The following SASH1 variants were observed in gnomAD, a reference collection of about 807,000 sequenced individuals.
The protein encoded by SASH1 is SAM and SH3 domain-containing protein 1.
In SASH1, 44 loss-of-function variants were observed where a neutral mutation model predicts 125.2. The observed-to-expected ratio is 0.35, with a 90% CI of 0.28 to 0.45. The LOEUF (loss-of-function observed/expected upper bound fraction) is 0.45, where lower values mean the gene tolerates loss of function less well. Ranked by LOEUF, SASH1 falls within the 20% of genes least tolerant of loss-of-function variation. The pLI is 1.00. For synonymous variants in SASH1, 639 were observed against 649.1 expected, an observed-to-expected ratio of 0.98 and a Z score of 0.24; for missense variants, 1,426 against 1,614.5, an observed-to-expected ratio of 0.88 and a Z score of 2.00.
chr6:148,532,251 G>T lies in SASH1; in HGVS notation c.1565-546G>T, dbSNP rs1476918301. ...GCCACCACACCCGGCTAATTTTGTT[G>T]TAGAGACGGGGTTTTGCCATGTAGC... is the stretch of plus-strand genomic sequence containing the variant. On this transcript the variant is annotated intron_variant, in intron 13 of 19. Transcript: ENST00000367467. This position sits in a 1 kb window ranked among gnomAD's most constrained non-coding sequence, Gnocchi z 4.7. Among the ~76,000 whole-genome samples the T allele has an allele frequency of 6.6e-6, 1 of 151,934 alleles. No individual in the cohort carries two copies. The highest frequency in any genetic ancestry group is 2.4e-5 in the African/African-American group (1 of 41,358).
chr6:148,361,369 G>T (rs535203626), intron 1 of SASH1, among the ~76,000 whole-genome samples: 1 of 152,280 alleles, frequency 6.6e-6, no homozygotes, highest in South Asian at 2.1e-4. Flanking sequence ...AGGGCAAGGC[G>T]GGTGGATCAC....
intron 1 of SASH1, among the ~76,000 whole-genome samples, chr6:148,288,014 C>A: frequency 1.3e-5 from 2 of 152,304 alleles, no homozygotes; most frequent in Middle Eastern, 6.8e-3. Flanking sequence ...GGTGGGCTTT[C>A]GTTCTCACCA....
At chr6:148,413,665 C>A (rs1297500324) in intron 2 of SASH1, among the ~76,000 whole-genome samples, 1 of 152,118 alleles carries the variant, frequency 6.6e-6, no homozygotes, top group Non-Finnish European at 1.5e-5. Flanking sequence ...TCAGGTAAAT[C>A]GAGGCCGTTG....
chr6:148,206,019 A>AC, the SASH1 span, among the ~76,000 whole-genome samples: 10 of 152,000 alleles, frequency 6.6e-5, no homozygotes, highest in African/African-American at 2.4e-4. Flanking sequence ...GCCTTCAAGA[A>AC]CCCCTTCCTC....
intron 15 of SASH1, 79 bp from the exon 16 acceptor site, chr6:148,534,672 G>T: frequency 7.3e-7 from 1 of 1,366,520 alleles, no homozygotes; most frequent in Non-Finnish European, 1.0e-6. Flanking sequence ...CAGTGTGTGG[G>T]TTGCAGGCTA....
Position 148,337,141 on chromosome 6 carries a change from C to A in SASH1, n.75-52993C>A, listed in dbSNP as rs1214106876. On this transcript the variant is annotated intron_variant and non_coding_transcript_variant, in intron 1 of 3. Coordinates refer to the SASH1 transcript ENST00000367469. Reference sequence around the variant, plus strand: ...TGGTGCAATCTCGGCTCACTGCAACCTCCGCCTCTCGGGCTAAAGTGATCC... The same window carrying A: ...TGGTGCAATCTCGGCTCACTGCAACATCCGCCTCTCGGGCTAAAGTGATCC... Among the ~76,000 whole-genome samples the A allele has an allele frequency of 2.6e-5, 4 of 152,146 alleles. No individual in the cohort carries two copies. In the East Asian group the frequency reaches 7.7e-4, roughly 29 times the overall value.
intron 2 of SASH1, among the ~76,000 whole-genome samples, chr6:148,418,982 T>C (rs971146135): frequency 6.6e-6 from 1 of 152,184 alleles, no homozygotes; most frequent in African/African-American, 2.4e-5. Flanking sequence ...CCATCTCCTG[T>C]CCATTCTGGC....
intron 19 of SASH1, among the ~76,000 whole-genome samples, chr6:148,547,874 A>C (rs1782656511): frequency 6.6e-6 from 1 of 152,176 alleles, no homozygotes; most frequent in South Asian, 2.1e-4. Flanking sequence ...GTTAACATAG[A>C]TTCAAAATAC....
At chr6:148,463,502 C>T (rs908678369) in intron 4 of SASH1, among the ~76,000 whole-genome samples, 4 of 152,124 alleles carry the variant, frequency 2.6e-5, no homozygotes, top group Non-Finnish European at 5.9e-5. Context: ...TAAAGGAGCA[C>T]TCTGCCTTCT....
intron 1 of SASH1, among the ~76,000 whole-genome samples, chr6:148,363,636 G>C (rs140547939): frequency 6.6e-6 from 1 of 151,758 alleles, no homozygotes; most frequent in East Asian, 1.9e-4. Flanking sequence ...TCCTGACCTC[G>C]TGATCCACCC....
chr6:148,259,544 T>C, the SASH1 span, among the ~76,000 whole-genome samples: 1 of 152,214 alleles, frequency 6.6e-6, no homozygotes, highest in Admixed American at 6.5e-5. Flanking sequence ...GGTTTATGGC[T>C]GTGCTTGTGT....
intron 1 of SASH1, among the ~76,000 whole-genome samples, chr6:148,314,723 T>C (rs1193788161): frequency 6.6e-6 from 1 of 152,054 alleles, no homozygotes; most frequent in Non-Finnish European, 1.5e-5. Flanking sequence ...GAATTCCTTT[T>C]GCTCCCCTAA....
At chr6:148,390,648 C>T (rs9485289) in intron 2 of SASH1, among the ~76,000 whole-genome samples, 41,436 of 151,568 alleles carry the variant, frequency 0.27, 5,621 homozygotes, top group South Asian at 0.39. Flanking sequence ...ATTAGCCGGG[C>T]GTGGTGATGG....
At chr6:148,376,207 C>T (rs561203402) in intron 1 of SASH1, among the ~76,000 whole-genome samples, 1 of 152,242 alleles carries the variant, frequency 6.6e-6, no homozygotes, top group African/African-American at 2.4e-5. Flanking sequence ...GCTAGGATTA[C>T]AGGCGTGTGC....
At chr6:148,337,479 C>A (rs1781195227) in intron 1 of SASH1, among the ~76,000 whole-genome samples, 1 of 152,156 alleles carries the variant, frequency 6.6e-6, no homozygotes. Context: ...CCACCTCGGC[C>A]TCCCAAAGTG....
At chr6:148,373,287 A>G (rs1216534005) in intron 1 of SASH1, among the ~76,000 whole-genome samples, 7 of 152,180 alleles carry the variant, frequency 4.6e-5, no homozygotes, top group Admixed American at 4.6e-4. Context: ...TATTTGAGTA[A>G]TATCCGCAGA....
intron 16 of SASH1, among the ~76,000 whole-genome samples, chr6:148,537,301 C>T (rs1432176197): frequency 6.6e-6 from 1 of 152,178 alleles, no homozygotes; most frequent in Non-Finnish European, 1.5e-5. Flanking sequence ...TGCCAGCCAT[C>T]ATATAGGGTT....
intron 2 of SASH1, among the ~76,000 whole-genome samples, chr6:148,408,249 A>G (rs1265046873): frequency 1.3e-5 from 2 of 150,020 alleles, no homozygotes; most frequent in Admixed American, 1.3e-4. Flanking sequence ...CAGGGACTAC[A>G]GGTGCCCGCC....
the SASH1 span, among the ~76,000 whole-genome samples, chr6:148,204,411 G>C: frequency 6.6e-6 from 1 of 152,140 alleles, no homozygotes; most frequent in African/African-American, 2.4e-5. Flanking sequence ...AAAATTCTTG[G>C]CTGGGTGCAG....
Sources: gnomAD v4.1 joint callset for allele counts (sites outside exome capture counted in the v4.1 genomes callset) on GRCh38, gnomAD v4.1.1 for gene constraint, Gnocchi (gnomAD v3.1) non-coding constraint, MANE v1.5 for transcripts, NCBI Gene and HGNC (gene_info 2026-07-23, HGNC 2026-07-21) for gene names.